The following ARHGAP20 variants were observed in gnomAD, a reference collection of about 807,000 sequenced individuals.
The protein encoded by ARHGAP20 is rho GTPase-activating protein 20.
In ARHGAP20, 34 loss-of-function variants were observed where a neutral mutation model predicts 73.7. The ratio of observed to expected loss-of-function variants is 0.46; its 90% CI spans 0.35 to 0.61. The LOEUF (loss-of-function observed/expected upper bound fraction) is 0.61, where lower values mean the gene tolerates loss of function less well. ARHGAP20 is among the 20% of genes least tolerant of loss of function. The pLI, the probability that ARHGAP20 is intolerant of heterozygous loss-of-function variation, is 0.00. For synonymous variants in ARHGAP20, 523 were observed against 518.2 expected (o/e 1.01, Z -0.13); for missense variants, 1,314 against 1,420.9 (o/e 0.92, Z 1.21).
At chr11:110,633,563 T>G (rs1272506845) in intron 2 of ARHGAP20, among the ~76,000 whole-genome samples, 1 of 152,232 alleles carries the variant, frequency 6.6e-6, no homozygotes, top group Non-Finnish European at 1.5e-5. Context: ...GGTGTGAAAC[T>G]GATAGGCATT....
intron 2 of ARHGAP20, among the ~76,000 whole-genome samples, chr11:110,651,400 C>A (rs11213513): frequency 0.22 from 33,746 of 151,654 alleles, 3,769 homozygotes; most frequent in South Asian, 0.32. Context: ...AAGGTAGAGA[C>A]ATGAAAAACC....
rs541838033 is a variant in ARHGAP20 at position 110,615,660 on chromosome 11, G to C, written c.504-66C>G. On this transcript the variant is annotated intron_variant, in intron 4 of 14. Transcript: ENST00000683387. Reference sequence around the variant, plus strand: ...AAAATACAAATGCTAACAGATTTAGGATTGTCAATCCAGATGAAAATATCA... The same window carrying C: ...AAAATACAAATGCTAACAGATTTAGCATTGTCAATCCAGATGAAAATATCA... 1.7e-5 allele frequency: 24 copies of C among 1,415,564 alleles called. No individual in the cohort carries two copies. In the African/African-American group the frequency reaches 1.7e-4, roughly 10 times the overall value. 87.7% of individuals were successfully genotyped at this position (1,415,564 alleles called of 1,614,324 possible).
At chr11:110,637,743 G>C (rs1948997612) in intron 2 of ARHGAP20, among the ~76,000 whole-genome samples, 1 of 152,028 alleles carries the variant, frequency 6.6e-6, no homozygotes, top group South Asian at 2.1e-4. Context: ...GAAATACAGA[G>C]TGCAGGAGCA....
intron 2 of ARHGAP20, among the ~76,000 whole-genome samples, chr11:110,672,861 T>A (rs1403818083): frequency 6.6e-6 from 1 of 152,354 alleles, no homozygotes; most frequent in East Asian, 1.9e-4. Context: ...CATGACCTAG[T>A]AATTCAACTC....
At chr11:110,598,935 A>G (rs866879556) in intron 9 of ARHGAP20, among the ~76,000 whole-genome samples, 6 of 152,194 alleles carry the variant, frequency 3.9e-5, no homozygotes, top group South Asian at 2.1e-4. Context: ...TTGTGGTTGC[A>G]GGCCTGAGCT....
At chr11:110,610,794 C>A (rs1339460506) in intron 7 of ARHGAP20, among the ~76,000 whole-genome samples, 3 of 152,104 alleles carry the variant, frequency 2.0e-5, no homozygotes, top group Admixed American at 2.0e-4. Flanking sequence ...TTTTTATTTA[C>A]CAATTTATCA....
intron 1 of ARHGAP20, among the ~76,000 whole-genome samples, chr11:110,708,389 C>T (rs1195280365): frequency 3.9e-5 from 6 of 152,060 alleles, no homozygotes; most frequent in Non-Finnish European, 8.8e-5. Context: ...TATTCCACAC[C>T]TAAGTATTTA....
intron 2 of ARHGAP20, among the ~76,000 whole-genome samples, chr11:110,677,916 T>G (rs1287699612): frequency 6.6e-6 from 1 of 152,056 alleles, no homozygotes; most frequent in Non-Finnish European, 1.5e-5. Flanking sequence ...AAACAAAAAC[T>G]TATACATGAA....
chr11:110,633,478 T>C (rs1393608277), intron 2 of ARHGAP20, among the ~76,000 whole-genome samples: 3 of 152,210 alleles, frequency 2.0e-5, no homozygotes, highest in Non-Finnish European at 2.9e-5. Flanking sequence ...TTTTCTTTCT[T>C]GAGACTGTTT....
chr11:110,701,346 G>A (rs1343368961), intron 1 of ARHGAP20, among the ~76,000 whole-genome samples: 3,168 of 151,582 alleles, frequency 0.021, 103 homozygotes, highest in African/African-American at 0.074. Flanking sequence ...GTGATGGTGA[G>A]CATTTTTTCA....
At chr11:110,699,837 T>C (rs1950409840) in intron 1 of ARHGAP20, among the ~76,000 whole-genome samples, 1 of 151,986 alleles carries the variant, frequency 6.6e-6, no homozygotes, top group Non-Finnish European at 1.5e-5. Flanking sequence ...TTTCACATAG[T>C]AAATTCTCAA....
chr11:110,606,174 T>A (rs1278399301), intron 9 of ARHGAP20, among the ~76,000 whole-genome samples: 1 of 152,176 alleles, frequency 6.6e-6, no homozygotes, highest in Non-Finnish European at 1.5e-5. Context: ...GGCATCACAA[T>A]CTTCTGACAC....
At chr11:110,589,825 A>T (rs1420367955) in intron 11 of ARHGAP20, 1 of 660,632 alleles carries the variant, frequency 1.5e-6, no homozygotes, top group Non-Finnish European at 1.9e-6. Flanking sequence ...CCACTTTTAA[A>T]GTAAAAGGCA....
chr11:110,641,700 C>G (rs532679983), intron 2 of ARHGAP20, among the ~76,000 whole-genome samples: 2 of 151,928 alleles, frequency 1.3e-5, no homozygotes, highest in South Asian at 4.2e-4. Context: ...TATCTCAAAA[C>G]AAAAAGCAAA....
intron 1 of ARHGAP20, among the ~76,000 whole-genome samples, chr11:110,702,745 CAAAT>C (rs1339695937): frequency 6.6e-6 from 1 of 152,024 alleles, no homozygotes; most frequent in Non-Finnish European, 1.5e-5. Context: ...CAATAACAGA[CAAAT>C]AGAGAGCCAA....
At chr11:110,702,492 C>G (rs1331804526) in intron 1 of ARHGAP20, among the ~76,000 whole-genome samples, 2 of 152,302 alleles carry the variant, frequency 1.3e-5, no homozygotes, top group Admixed American at 6.5e-5. Flanking sequence ...GGGATGCCCT[C>G]TCTCACCATT....
chr11:110,648,189 GTAAATATATATATATAT>G (rs1949248433), intron 2 of ARHGAP20, among the ~76,000 whole-genome samples: 3 of 79,942 alleles, frequency 3.8e-5, no homozygotes, highest in Non-Finnish European at 7.2e-5. Flanking sequence ...ATATATATAT[GTAAATATATATATATAT>G]GTAAATATAT....
At chr11:110,687,010 G>A (rs33926926) in intron 2 of ARHGAP20, among the ~76,000 whole-genome samples, 1 of 143,638 alleles carries the variant, frequency 7.0e-6, no homozygotes, top group Non-Finnish European at 1.5e-5. Context: ...AGAGAAACTT[G>A]CAGGAAATTA....
intron 9 of ARHGAP20, among the ~76,000 whole-genome samples, chr11:110,600,010 G>A (rs1003462351): frequency 1.3e-5 from 2 of 152,220 alleles, no homozygotes; most frequent in African/African-American, 4.8e-5. Flanking sequence ...CCTGGCTGCA[G>A]AAAGGAGCTG....
Sources: gnomAD v4.1 joint callset for allele counts (sites outside exome capture counted in the v4.1 genomes callset) on GRCh38, gnomAD v4.1.1 for gene constraint, MANE v1.5 for transcripts, NCBI Gene and HGNC (gene_info 2026-07-23, HGNC 2026-07-21) for gene names.